Variants in NPNT observed in about 807,000 individuals in gnomAD.
The protein encoded by NPNT is preosteoblast EGF-like repeat protein with MAM domain.
A neutral mutation model predicts 68.6 loss-of-function variants in NPNT; 45 were observed. The observed-to-expected ratio is 0.66, with a 90% CI of 0.52 to 0.84. The LOEUF (loss-of-function observed/expected upper bound fraction) is 0.84, where lower values mean the gene tolerates loss of function less well. Ranked by LOEUF, NPNT falls within the 40% of genes least tolerant of loss-of-function variation. The probability of loss-of-function intolerance (pLI) is 0.00; values close to 1 mark genes in which losing one functional copy is unlikely to be tolerated. For synonymous variants in NPNT, 233 were observed against 253.3 expected (o/e 0.92, Z 0.76); for missense variants, 672 against 714.8 (o/e 0.94, Z 0.68).
intron 3 of NPNT, chr4:105,927,645 TAATTAAAATGTATTTTGAAGAAAAG>T (rs1402662875): frequency 1.2e-4 from 33 of 268,672 alleles, no homozygotes; most frequent in African/African-American, 7.2e-4. Context: ...TCTCTGATAC[TAATTAAAATGTATTTTGAAGAAAAG>T]AATCCCTGCA....
chr4:105,941,461 G>GA (rs1288970338), intron 7 of NPNT, among the ~76,000 whole-genome samples: 2 of 151,914 alleles, frequency 1.3e-5, no homozygotes, highest in Non-Finnish European at 2.9e-5. Context: ...AGATAAACAT[G>GA]AAAAAAACCC....
At chr4:105,941,756 C>T (rs1226371672) in intron 7 of NPNT, among the ~76,000 whole-genome samples, 2 of 152,106 alleles carry the variant, frequency 1.3e-5, no homozygotes, top group Non-Finnish European at 2.9e-5. Context: ...AAATAAAAAC[C>T]GACCATAAAA....
chr4:105,940,042 T>C lies in NPNT; in HGVS notation c.506-33T>C, dbSNP rs1388097280. 11 of 1,602,710 alleles carry C rather than the reference T, an allele frequency of 6.9e-6. No individual in the cohort carries two copies. In the East Asian group the frequency reaches 2.5e-4, roughly 36 times the overall value. ...CCACTCTGTCTTAACATACCCTTGC[T>C]CTTCCTAAAATGCTATTGACTTATG... On this transcript the variant is annotated intron_variant, in intron 5 of 11. Coordinates refer to ENST00000379987, the MANE Select transcript of NPNT (RefSeq NM_001033047.3).
At position 105,900,377 on chromosome 4, in the gene NPNT, G is replaced by A. The variant is rs1156946463; in HGVS notation, c.172+2376G>A. Among the ~76,000 whole-genome samples, 13 of 152,184 alleles carry A rather than the reference G, an allele frequency of 8.5e-5. No homozygotes were observed. The East Asian group carries it at 2.5e-3, about 29-fold the overall frequency. On this transcript the variant is annotated intron_variant, in intron 2 of 11. Coordinates refer to ENST00000379987, the MANE Select transcript of NPNT (RefSeq NM_001033047.3). ...GGTACCCTCATTATATTATTTAACA[G>A]ACCTTATGCCTTAGTGCAGTGACCC...
intron 8 of NPNT, among the ~76,000 whole-genome samples, chr4:105,953,460 T>A (rs1216816540): frequency 2.6e-5 from 4 of 152,212 alleles, no homozygotes; most frequent in Admixed American, 2.6e-4. Flanking sequence ...TCTTTTGGCT[T>A]ATAATGAATA....
intron 8 of NPNT, among the ~76,000 whole-genome samples, chr4:105,944,244 C>A (rs894528700): frequency 1.3e-5 from 2 of 152,132 alleles, no homozygotes; most frequent in African/African-American, 4.8e-5. Context: ...CCCCCTCTCT[C>A]CATCTCAGAT....
intron 10 of NPNT, among the ~76,000 whole-genome samples, chr4:105,963,652 G>A (rs1019189102): frequency 4.0e-5 from 6 of 151,540 alleles, no homozygotes; most frequent in African/African-American, 9.7e-5. Context: ...TAGAACTAAG[G>A]CCCTTTTCCT....
chr4:105,928,506 A>G (rs146682922), intron 3 of NPNT, among the ~76,000 whole-genome samples: 2,239 of 151,882 alleles, frequency 0.015, 62 homozygotes, highest in African/African-American at 0.051. Flanking sequence ...CCAGCTACTC[A>G]AGAAGCTGAG....
Position 105,936,879 on chromosome 4 carries a change from A to C in NPNT, c.266-130A>C, listed in dbSNP as rs537465448. On this transcript the variant is annotated intron_variant, in intron 3 of 11. Coordinates refer to ENST00000379987, the MANE Select transcript of NPNT (RefSeq NM_001033047.3). ...ATTGCATGAACAGGATCTATCTCTT[A>C]TGTAAATGACAGTTACTGTAGCTTG... 8 of 876,080 alleles carry C rather than the reference A, an allele frequency of 9.1e-6. No homozygotes were observed. The South Asian group carries it at 1.5e-4, about 17-fold the overall frequency. 54.3% of individuals were successfully genotyped at this position (876,080 alleles called of 1,614,324 possible).
At chr4:105,942,201 A>G in intron 7 of NPNT, 106 bp from the exon 8 acceptor site, 1 of 835,934 alleles carries the variant, frequency 1.2e-6, no homozygotes, top group East Asian at 2.6e-5. Context: ...TCTAAATGTG[A>G]AAAATGATAC....
At chr4:105,921,251 G>T (rs527473726) in intron 2 of NPNT, among the ~76,000 whole-genome samples, 13 of 152,138 alleles carry the variant, frequency 8.5e-5, no homozygotes, top group African/African-American at 2.6e-4. Flanking sequence ...ACTTCCAAAT[G>T]CACTCAAAAA....
rs571465932 is a variant in NPNT at position 105,939,290 on chromosome 4, G to A, written c.506-785G>A. 2.4e-3 allele frequency among the ~76,000 whole-genome samples: 370 copies of A among 152,310 alleles called. 2 individuals are homozygous for A. The highest frequency in any genetic ancestry group is 8.7e-3 in the African/African-American group (361 of 41,576). ...AGGTAAGACCTGTATCATTAGCCAT[G>A]TGAAGAAACAGCCAAGCAGCTGAAG... On this transcript the variant is annotated intron_variant, in intron 5 of 11. Transcript: ENST00000379987.
chr4:105,918,212 C>A (rs1727969798), intron 2 of NPNT, among the ~76,000 whole-genome samples: 1 of 152,132 alleles, frequency 6.6e-6, no homozygotes, highest in African/African-American at 2.4e-5. Flanking sequence ...AATGACAAAT[C>A]TCTGACATCA....
chr4:105,911,806 A>G (rs1054304313), intron 2 of NPNT: 14 of 202,592 alleles, frequency 6.9e-5, no homozygotes, highest in Non-Finnish European at 1.2e-4. Context: ...ATTTTTTCAG[A>G]TGTGTTTTCC....
intron 8 of NPNT, among the ~76,000 whole-genome samples, chr4:105,948,116 GT>G (rs1376404095): frequency 1.3e-5 from 2 of 151,580 alleles, no homozygotes; most frequent in South Asian, 2.1e-4. Context: ...TCAGATTATG[GT>G]TTTTTTTCTT....
intron 3 of NPNT, among the ~76,000 whole-genome samples, chr4:105,928,094 C>CTATTTAGT (rs1728826492): frequency 6.6e-6 from 1 of 152,010 alleles, no homozygotes; most frequent in South Asian, 2.1e-4. Context: ...AATTATTAGT[C>CTATTTAGT]CATTTTTTAT....
chr4:105,935,042 G>A (rs368330407), intron 3 of NPNT, among the ~76,000 whole-genome samples: 2 of 152,224 alleles, frequency 1.3e-5, no homozygotes, highest in South Asian at 4.1e-4. Flanking sequence ...ATTTCCATCA[G>A]CATAAATACT....
In NPNT at chr4:105,942,136, T is replaced by TATATATATATATATATATAGAC. The variant is rs140603677; in HGVS notation, c.764-170_764-169insTATATATATATATATATAGACA. Among the ~76,000 whole-genome samples, 276 of 147,672 alleles carry TATATATATATATATATATAGAC rather than the reference T, an allele frequency of 1.9e-3. 2 individuals carry two copies. The highest frequency in any genetic ancestry group is 6.7e-3 in the African/African-American group (263 of 39,476). ...GTGTGTATATATATATATATATATA[T>TATATATATATATATATATAGAC]ACACACATATATATTTGTTATTTGG... On this transcript the variant is annotated intron_variant, in intron 7 of 11. Coordinates refer to ENST00000379987, the MANE Select transcript of NPNT (RefSeq NM_001033047.3).
At chr4:105,935,624 A>G (rs1170010119) in intron 3 of NPNT, among the ~76,000 whole-genome samples, 1 of 152,194 alleles carries the variant, frequency 6.6e-6, no homozygotes, top group Non-Finnish European at 1.5e-5. Flanking sequence ...TAGTCAAGAG[A>G]CAATAAAGTA....
Sources: allele counts gnomAD v4.1 joint callset (sites outside exome capture counted in the v4.1 genomes callset), GRCh38; gene constraint gnomAD v4.1.1; transcripts MANE v1.5; gene names NCBI Gene and HGNC (gene_info 2026-07-23, HGNC 2026-07-21).